The following THRB variants were observed in gnomAD, a reference collection of about 807,000 sequenced individuals.
The protein encoded by THRB is thyroid hormone receptor beta.
In THRB, 12 loss-of-function variants were observed where a neutral mutation model predicts 47.8. That is an observed-to-expected ratio of 0.25 (90% CI 0.16 to 0.41). The LOEUF (loss-of-function observed/expected upper bound fraction) is 0.41, where lower values mean the gene tolerates loss of function less well. Among genes scored for constraint, THRB ranks in the 10% least tolerant of loss-of-function variants. The probability of loss-of-function intolerance (pLI) is 1.00; values close to 1 mark genes in which losing one functional copy is unlikely to be tolerated. For missense variants in THRB, 348 were observed against 589.2 expected (o/e 0.59, Z 4.24); for synonymous variants, 218 against 212.2 (o/e 1.03, Z -0.24).
At chr3:24,145,935 C>T (rs921912829) in intron 7 of THRB, among the ~76,000 whole-genome samples, 1 of 152,124 alleles carries the variant, frequency 6.6e-6, no homozygotes, top group Non-Finnish European at 1.5e-5. Context: ...GGAGGCCACA[C>T]ATTCTGAATG....
At chr3:24,451,863 G>A (rs946270105) in intron 1 of THRB, among the ~76,000 whole-genome samples, 11 of 152,218 alleles carry the variant, frequency 7.2e-5, no homozygotes, top group Non-Finnish European at 1.3e-4. Flanking sequence ...GGGTCAAAGG[G>A]CCTGGTTTAC....
intron 5 of THRB, among the ~76,000 whole-genome samples, chr3:24,181,774 G>A (rs2041928605): frequency 6.6e-6 from 1 of 152,002 alleles, no homozygotes. Context: ...CCTGTTCATG[G>A]CCTCCTTCTA....
Position 24,270,332 on chromosome 3 carries a change from T to C in THRB, c.-43+26894A>G, listed in dbSNP as rs553528740. On this transcript the variant is annotated intron_variant, in intron 3 of 10. Coordinates refer to ENST00000646209, the MANE Select transcript of THRB (RefSeq NM_001354712.2). ...GAGCTATGGGTATAGTTTGTACTACTAAACTACCATGAATTGCTCACTCCC... is the reference window on the plus strand; with the variant it reads ...GAGCTATGGGTATAGTTTGTACTACCAAACTACCATGAATTGCTCACTCCC... Among the ~76,000 whole-genome samples, 12 of 152,312 alleles carry C rather than the reference T, an allele frequency of 7.9e-5. No individual in the cohort carries two copies. In the East Asian group the frequency reaches 2.1e-3, roughly 27 times the overall value.
intron 5 of THRB, among the ~76,000 whole-genome samples, chr3:24,186,044 C>T (rs2042531355): frequency 1.3e-5 from 2 of 152,168 alleles, no homozygotes; most frequent in Non-Finnish European, 2.9e-5. Context: ...TGGCTCCCCA[C>T]GTGCAGTCAG....
chr3:24,467,976 A>G (rs897216334), intron 1 of THRB, among the ~76,000 whole-genome samples: 1 of 152,188 alleles, frequency 6.6e-6, no homozygotes, highest in South Asian at 2.1e-4. Flanking sequence ...TTTTTTCTAC[A>G]TTGCGAATCT....
chr3:24,184,550 G>A (rs896583805), intron 5 of THRB, among the ~76,000 whole-genome samples: 8 of 151,998 alleles, frequency 5.3e-5, no homozygotes, highest in African/African-American at 1.5e-4. Flanking sequence ...CTCCAATCTC[G>A]TGAGTAGCTT....
intron 2 of THRB, among the ~76,000 whole-genome samples, chr3:24,298,737 TA>T: frequency 6.6e-6 from 1 of 152,294 alleles, no homozygotes; most frequent in South Asian, 2.1e-4. Flanking sequence ...ATGTTCCTCT[TA>T]CATGGAAGGC....
At chr3:24,196,112 T>C (rs1000708595) in intron 4 of THRB, among the ~76,000 whole-genome samples, 2 of 152,188 alleles carry the variant, frequency 1.3e-5, no homozygotes, top group African/African-American at 4.8e-5. Flanking sequence ...CTGTTTTACA[T>C]GTGTGGAAAC....
At chr3:24,155,006 G>A (rs1184517003) in intron 5 of THRB, among the ~76,000 whole-genome samples, 2 of 152,178 alleles carry the variant, frequency 1.3e-5, no homozygotes, top group African/African-American at 4.8e-5. Context: ...AACCAGAGTT[G>A]GGAAGATGCA....
At chr3:24,322,688 G>A (rs1247673314) in intron 2 of THRB, among the ~76,000 whole-genome samples, 1 of 152,070 alleles carries the variant, frequency 6.6e-6, no homozygotes, top group Non-Finnish European at 1.5e-5. Flanking sequence ...ACTGTGAATT[G>A]TTTTCTTTTC....
intron 1 of THRB, among the ~76,000 whole-genome samples, chr3:24,491,383 C>T (rs1698122226): frequency 6.6e-6 from 1 of 152,152 alleles, no homozygotes; most frequent in Non-Finnish European, 1.5e-5. Context: ...CAAGAGTTTC[C>T]ATGAATAACT....
chr3:24,351,273 G>A (rs2063338084), intron 1 of THRB, among the ~76,000 whole-genome samples: 1 of 151,900 alleles, frequency 6.6e-6, no homozygotes, highest in South Asian at 2.1e-4. Flanking sequence ...ATGACCTAAT[G>A]CACAAACACA....
intron 4 of THRB, among the ~76,000 whole-genome samples, chr3:24,193,912 T>C (rs1036928261): frequency 1.4e-4 from 21 of 152,170 alleles, no homozygotes; most frequent in African/African-American, 5.1e-4. Flanking sequence ...AAATGTGATA[T>C]ATATGTATAC....
chr3:24,407,535 A>G (rs1441412542), intron 1 of THRB, among the ~76,000 whole-genome samples: 1 of 151,910 alleles, frequency 6.6e-6, no homozygotes, highest in Non-Finnish European at 1.5e-5. Context: ...TAATTTGTAA[A>G]AGAATGAAAT....
rs189844457 is a variant in THRB at position 24,262,119 on chromosome 3, A to T, written c.-42-33118T>A. ...TTAATAAACTTGATATGTCCAAACT[A>T]GATTACAGAGCTTCCCCAGGCCTCC... On this transcript the variant is annotated intron_variant, in intron 3 of 10. Transcript: ENST00000646209. Among the ~76,000 whole-genome samples, 695 of 152,314 alleles carry T rather than the reference A, an allele frequency of 4.6e-3. 7 individuals carry two copies. The highest frequency in any genetic ancestry group is 7.8e-3 in the Non-Finnish European group (531 of 68,028).
chr3:24,353,685 C>A lies in THRB; in HGVS notation c.-260-16314G>T, dbSNP rs779720637. 1.2e-4 allele frequency among the ~76,000 whole-genome samples: 19 copies of A among 152,026 alleles called. No homozygotes were observed. The Middle Eastern group carries it at 0.014, about 109-fold the overall frequency. ...CTCTGACTTTATATATTAGGCGATT[C>A]CATATGATAAAAACAAAACAAAGCA... On this transcript the variant is annotated intron_variant, in intron 1 of 10. Transcript: ENST00000646209.
intron 2 of THRB, among the ~76,000 whole-genome samples, chr3:24,333,666 T>C (rs1218694267): frequency 6.6e-6 from 1 of 152,228 alleles, no homozygotes; most frequent in Non-Finnish European, 1.5e-5. Context: ...GTTAAAAAAA[T>C]GTCCTGCTTA....
chr3:24,123,218 G>C (rs1344015884), intron 10 of THRB, 93 bp from the exon 11 acceptor site: 1 of 1,574,322 alleles, frequency 6.4e-7, no homozygotes, highest in Non-Finnish European at 8.7e-7. Context: ...GGGGCGGGCA[G>C]ATCTAGGGTC....
chr3:24,121,043 T>A lies in THRB; in HGVS notation c.*1841A>T, dbSNP rs970759405. 2 of 152,188 alleles carry A rather than the reference T, an allele frequency of 1.3e-5. No homozygotes were observed. The highest frequency in any genetic ancestry group is 4.8e-5 in the African/African-American group (2 of 41,450). 9.4% of individuals were successfully genotyped at this position (152,188 alleles called of 1,614,324 possible). On this transcript the variant is annotated 3_prime_UTR_variant, in exon 11 of 11. Coordinates refer to ENST00000646209, the MANE Select transcript of THRB (RefSeq NM_001354712.2). Reference sequence around the variant, plus strand: ...ATTATTATTTCGAGCCAATAACAAATTTACGTTCCTTAACTGTTAAGTGGG... The same window carrying A: ...ATTATTATTTCGAGCCAATAACAAAATTACGTTCCTTAACTGTTAAGTGGG...
Sources: allele counts gnomAD v4.1 joint callset (sites outside exome capture counted in the v4.1 genomes callset), GRCh38; gene constraint gnomAD v4.1.1; transcripts MANE v1.5; gene names NCBI Gene and HGNC (gene_info 2026-07-23, HGNC 2026-07-21).